The following XPO4 variants were observed in gnomAD, a reference collection of about 807,000 sequenced individuals.
The protein encoded by XPO4 is exportin-4.
A neutral mutation model predicts 143.0 loss-of-function variants in XPO4; 39 were observed. The observed-to-expected ratio is 0.27, with a 90% CI of 0.21 to 0.36. The LOEUF (loss-of-function observed/expected upper bound fraction) is 0.36. Among genes scored for constraint, XPO4 ranks in the 10% least tolerant of loss-of-function variants. XPO4 has a pLI of 1.00. For missense variants in XPO4, 907 were observed against 1,348.0 expected (o/e 0.67, Z 5.12); for synonymous variants, 439 against 474.0 (o/e 0.93, Z 0.96).
At position 20,865,316 on chromosome 13, in the gene XPO4, T is replaced by C. The variant is rs890694654; in HGVS notation, c.176-2458A>G. 7 of 233,268 alleles carry C rather than the reference T, an allele frequency of 3.0e-5. No individual in the cohort carries two copies. The Admixed American group carries it at 3.9e-4, about 13-fold the overall frequency. The allele number at this position is 233,268 out of a possible 1,614,324, so 14.4% of individuals were successfully genotyped here. On this transcript the variant is annotated intron_variant, in intron 2 of 22. Coordinates refer to ENST00000255305, the MANE Select transcript of XPO4 (RefSeq NM_022459.5). ...ACCACACCGGCTAATTTTGTATTTTTAGTAGAGACAGGGTTTTTCCATGTT... is the reference window on the plus strand; with the variant it reads ...ACCACACCGGCTAATTTTGTATTTTCAGTAGAGACAGGGTTTTTCCATGTT...
chr13:20,783,824 T>C lies in XPO4; in HGVS notation c.3354A>G (p.Ala1118=). ...GATCCAGCGTAGGAGGAGTGCTGCT[T>C]GCAGTGAGCTTGTTGAAGGCATCTG... ...RLADAFNKLT[A]SSTPPTLDRK... The change falls in exon 23 of 23, where the codon GCA becomes GCG. Residue 1118 remains alanine (A), a synonymous_variant. Transcript: ENST00000255305. 1 of 1,614,246 alleles carries C rather than the reference T, an allele frequency of 6.2e-7. No homozygotes were observed. The highest frequency in any genetic ancestry group is 1.3e-5 in the African/African-American group (1 of 75,072).
intron 1 of XPO4, among the ~76,000 whole-genome samples, chr13:20,873,975 T>C (rs2060328249): frequency 6.6e-6 from 1 of 152,184 alleles, no homozygotes; most frequent in African/African-American, 2.4e-5. Context: ...TTATTTCCCC[T>C]CTTTTACATC....
chr13:20,788,416 A>G, intron 20 of XPO4, 70 bp downstream of exon 20: 2 of 1,552,850 alleles, frequency 1.3e-6, no homozygotes, highest in South Asian at 2.5e-5. Flanking sequence ...GTAAACTTAA[A>G]AAACTTTTCT....
At chr13:20,816,877 G>A (rs2059656912) in intron 9 of XPO4, among the ~76,000 whole-genome samples, 1 of 152,186 alleles carries the variant, frequency 6.6e-6, no homozygotes, top group Non-Finnish European at 1.5e-5. Context: ...TCCTGGTAGA[G>A]CTAAAACTAT....
intron 19 of XPO4, among the ~76,000 whole-genome samples, chr13:20,789,289 G>A (rs895802314): frequency 1.5e-4 from 23 of 152,186 alleles, no homozygotes; most frequent in African/African-American, 4.8e-4. Flanking sequence ...AGTTAGAGAC[G>A]CTCTCAAGGA....
At chr13:20,851,151 C>T (rs2060080959) in intron 4 of XPO4, 1 of 985,220 alleles carries the variant, frequency 1.0e-6, no homozygotes, top group Non-Finnish European at 1.2e-6. Context: ...AAATTCTTAA[C>T]AGTCCAAGAA....
rs779751936 is a variant in XPO4, at chr13:20,808,594, A to G, written c.1494-13T>C. The stretch of plus-strand genomic sequence containing the variant: ...TTCTTCTAATAAACTAAAAGAGAAG[A>G]AAACAGTAGCTTCATAAAGTTCAAT... On this transcript the variant is annotated splice_polypyrimidine_tract_variant and intron_variant, in intron 11 of 22. Transcript: ENST00000255305. 3.1e-5 allele frequency: 48 copies of G among 1,531,286 alleles called. No individual in the cohort carries two copies. The African/African-American group carries it at 5.1e-4, about 16-fold the overall frequency. 94.9% of individuals were successfully genotyped at this position (1,531,286 alleles called of 1,614,324 possible).
At chr13:20,870,649 G>A (rs2060287468) in intron 1 of XPO4, among the ~76,000 whole-genome samples, 1 of 150,896 alleles carries the variant, frequency 6.6e-6, no homozygotes, top group African/African-American at 2.4e-5. Context: ...AAAATCGCTT[G>A]AACGCAGGAG....
At chr13:20,818,016 C>T (rs1399970627) in intron 9 of XPO4, among the ~76,000 whole-genome samples, 2 of 152,054 alleles carry the variant, frequency 1.3e-5, no homozygotes. Context: ...GGCTGGTCTC[C>T]TCACCCGACC....
intron 3 of XPO4, among the ~76,000 whole-genome samples, chr13:20,858,664 G>A (rs891724052): frequency 1.3e-5 from 2 of 152,040 alleles, no homozygotes; most frequent in Non-Finnish European, 2.9e-5. Flanking sequence ...GAGGTCATGA[G>A]TTCGAGACCA....
At chr13:20,899,084 A>C (rs996568689) in intron 1 of XPO4, among the ~76,000 whole-genome samples, 9 of 152,174 alleles carry the variant, frequency 5.9e-5, no homozygotes, top group Non-Finnish European at 1.0e-4. Context: ...GGGACAACAG[A>C]GACCCTGTCT....
At chr13:20,794,553 C>A (rs2141503436) in intron 18 of XPO4, among the ~76,000 whole-genome samples, 1 of 152,216 alleles carries the variant, frequency 6.6e-6, no homozygotes, top group South Asian at 2.1e-4. Flanking sequence ...AGTCCATGAA[C>A]CAACTAATAC....
chr13:20,857,503 G>A (rs1336107138), intron 3 of XPO4, among the ~76,000 whole-genome samples: 9 of 151,956 alleles, frequency 5.9e-5, no homozygotes, highest in Admixed American at 5.9e-4. Flanking sequence ...CAAGGCAGGC[G>A]GATTACGAGG....
In XPO4 at chr13:20,822,207, G is replaced by C. The variant is rs2059729345; in HGVS notation, c.923C>G (p.Pro308Arg). The C allele has an allele frequency of 6.2e-7, 1 of 1,613,806 alleles. No individual in the cohort carries two copies. The highest frequency in any genetic ancestry group is 8.5e-7 in the Non-Finnish European group (1 of 1,179,896). The change falls in exon 8 of 23, where the codon CCC becomes CGC. Residue 308 changes from proline (P) to arginine (R), a missense_variant. By Grantham distance (103) the Pro-to-Arg change is moderately radical. Coordinates refer to ENST00000255305, the MANE Select transcript of XPO4 (RefSeq NM_022459.5). ...CLAQLASLHG[P>R]IFPDEGSQVD... Reference sequence around the variant, plus strand: ...TTGTGATCCTTCATCTGGGAAGATGGGTCCATGAAGAGAAGCTAACTGGGC... The same window carrying C: ...TTGTGATCCTTCATCTGGGAAGATGCGTCCATGAAGAGAAGCTAACTGGGC...
intron 6 of XPO4, among the ~76,000 whole-genome samples, chr13:20,834,279 C>T (rs2059889520): frequency 1.3e-5 from 2 of 152,084 alleles, no homozygotes; most frequent in Non-Finnish European, 2.9e-5. Context: ...AGCAAGATTA[C>T]AGGATACAAG....
At chr13:20,847,966 T>C (rs2060044378) in intron 4 of XPO4, among the ~76,000 whole-genome samples, 1 of 152,246 alleles carries the variant, frequency 6.6e-6, no homozygotes, top group Non-Finnish European at 1.5e-5. Context: ...TAAGGAATTA[T>C]TTCTATGGCA....
At chr13:20,835,282 A>G (rs1020060924) in intron 6 of XPO4, among the ~76,000 whole-genome samples, 1 of 152,232 alleles carries the variant, frequency 6.6e-6, no homozygotes, top group Non-Finnish European at 1.5e-5. Flanking sequence ...AGGGCTTTAC[A>G]TATATGTGCT....
At chr13:20,809,694 A>G (rs2059552745) in intron 10 of XPO4, 97 bp downstream of exon 10, 2 of 1,333,560 alleles carry the variant, frequency 1.5e-6, no homozygotes, top group Middle Eastern at 2.1e-4. Flanking sequence ...TTCTGAGGGA[A>G]CCCATCCTAA....
At chr13:20,851,321 C>T in intron 4 of XPO4, 1 of 985,138 alleles carries the variant, frequency 1.0e-6, no homozygotes, top group Non-Finnish European at 1.2e-6. Context: ...ATGTAGTCAC[C>T]AAAATAAATT....
Sources: allele counts gnomAD v4.1 joint callset (sites outside exome capture counted in the v4.1 genomes callset), GRCh38; gene constraint gnomAD v4.1.1; transcripts MANE v1.5; gene names NCBI Gene and HGNC (gene_info 2026-07-23, HGNC 2026-07-21).